RP1: variants seen among roughly 807,000 people sequenced by gnomAD.
RP1 encodes oxygen-regulated protein 1.
RP1 carries 16 observed loss-of-function variants against 14.8 expected under a neutral mutation model. The observed-to-expected ratio is 1.08, with a 90% CI of 0.73 to 1.65. The LOEUF is 1.65. RP1 is among the 40% of genes most tolerant of loss of function. The pLI, the probability that RP1 is intolerant of heterozygous loss-of-function variation, is 0.00. For missense variants in RP1, 2,631 were observed against 2,535.0 expected (o/e 1.04, Z -0.81); for synonymous variants, 876 against 883.6 (o/e 0.99, Z 0.15).
Position 54,856,423 on chromosome 8 carries a change from C to T in RP1, c.3991-605C>T, listed in dbSNP as rs549969882. Among the ~76,000 whole-genome samples the T allele has an allele frequency of 5.3e-5, 8 of 152,092 alleles. No homozygotes were observed. In the South Asian group the frequency reaches 1.4e-3, roughly 28 times the overall value. The stretch of plus-strand genomic sequence containing the variant: ...TACTTCATAGTTTATTTTAAAACGT[C>T]CTATGCGTGTGTATGTATATGTATG... On this transcript the variant is annotated intron_variant, in intron 26 of 28. Coordinates refer to the RP1 transcript ENST00000637698.
At chr8:54,858,154 T>C (rs531730146) in intron 27 of RP1, among the ~76,000 whole-genome samples, 1 of 152,246 alleles carries the variant, frequency 6.6e-6, no homozygotes, top group East Asian at 1.9e-4. Context: ...CTCTTTAAAA[T>C]GAATGGGAAG....
intron 12 of RP1, among the ~76,000 whole-genome samples, chr8:54,695,025 G>T (rs950005477): frequency 1.7e-4 from 26 of 151,898 alleles, no homozygotes; most frequent in African/African-American, 6.3e-4. Flanking sequence ...TTGCGTCTTT[G>T]TTCTCGTTGG....
chr8:54,747,094 C>T (rs1809243538), intron 19 of RP1, among the ~76,000 whole-genome samples: 1 of 152,084 alleles, frequency 6.6e-6, no homozygotes, highest in African/African-American at 2.4e-5. Context: ...CATCTTATTA[C>T]CATCACTTCA....
chr8:54,743,120 A>C (rs1809139589), intron 19 of RP1, among the ~76,000 whole-genome samples: 2 of 152,172 alleles, frequency 1.3e-5, no homozygotes, highest in Non-Finnish European at 2.9e-5. Flanking sequence ...TTGTGAAGTG[A>C]TTTCAAATTT....
At chr8:54,829,592 T>C (rs1420093147) in intron 24 of RP1, among the ~76,000 whole-genome samples, 1 of 152,180 alleles carries the variant, frequency 6.6e-6, no homozygotes, top group Non-Finnish European at 1.5e-5. Context: ...TCTAGATGAA[T>C]ATAAGGAGGC....
rs191325149 is a variant in RP1 at position 54,630,184 on chromosome 8, G to A, written c.6302G>A (p.Gly2101Asp). 1.7e-5 allele frequency: 28 copies of A among 1,613,608 alleles called. No individual in the cohort carries two copies. Among genetic ancestry groups the A allele is most frequent in the Non-Finnish European group, 1.8e-5 (21 of 1,179,920 alleles). The change falls in exon 4 of 4, where the codon GGT (glycine) becomes GAT (aspartate). Residue 2101 changes from glycine to aspartate, a missense_variant. Transcript: ENST00000220676. Reference protein sequence around the residue: ...INCHYFFEMLGQACLLDICQV... With the variant: ...INCHYFFEMLDQACLLDICQV... Reference sequence around the variant, plus strand: ...TGTCATTACTTCTTTGAAATGCTTGGTCAAGCTTGCCTCTTAGATATTTGC... The same window carrying A: ...TGTCATTACTTCTTTGAAATGCTTGATCAAGCTTGCCTCTTAGATATTTGC...
chr8:54,621,677 A>C, intron 2 of RP1, 96 bp downstream of exon 2: 1 of 1,552,074 alleles, frequency 6.4e-7, no homozygotes, highest in Non-Finnish European at 8.8e-7. Context: ...CGGGAAGGAA[A>C]TCTTCCTTCC....
intron 19 of RP1, among the ~76,000 whole-genome samples, chr8:54,745,113 A>G (rs974899604): frequency 1.3e-5 from 2 of 152,212 alleles, no homozygotes; most frequent in African/African-American, 2.4e-5. Flanking sequence ...TGCCAACATG[A>G]CTAAGATGCA....
intron 13 of RP1, chr8:54,699,622 ATT>A (rs1026856939): frequency 1.2e-6 from 1 of 832,136 alleles, no homozygotes; most frequent in African/African-American, 1.8e-5. Context: ...ATGTCTGTAT[ATT>A]TTTTTGTATA....
At chr8:54,641,923 G>A (rs1371349488) in intron 3 of RP1, among the ~76,000 whole-genome samples, 3 of 152,092 alleles carry the variant, frequency 2.0e-5, no homozygotes, top group African/African-American at 4.8e-5. Context: ...TATGTGTGAC[G>A]CTGAAGATCT....
intron 27 of RP1, among the ~76,000 whole-genome samples, chr8:54,863,318 G>A (rs1231407193): frequency 6.6e-6 from 1 of 152,114 alleles, no homozygotes; most frequent in Non-Finnish European, 1.5e-5. Context: ...TAGCCTAAGA[G>A]TATAGGCTGT....
intron 25 of RP1, among the ~76,000 whole-genome samples, chr8:54,843,795 A>G (rs1338679452): frequency 6.6e-6 from 1 of 152,096 alleles, no homozygotes; most frequent in Non-Finnish European, 1.5e-5. Context: ...ACAGCATCGC[A>G]GGGCTCAGGT....
At chr8:54,701,711 C>G in intron 14 of RP1, 2 of 1,496,112 alleles carry the variant, frequency 1.3e-6, no homozygotes, top group Non-Finnish European at 1.8e-6. Context: ...TCCCAACTTT[C>G]TTTTGCCCTA....
Position 54,834,091 on chromosome 8 carries a change from C to T in RP1, c.3616-3359C>T, listed in dbSNP as rs114729484. 9.5e-3 allele frequency among the ~76,000 whole-genome samples: 1,443 copies of T among 151,970 alleles called. 28 individuals carry two copies. The highest frequency in any genetic ancestry group is 0.033 in the African/African-American group (1,365 of 41,494). ...GGAGTTAAGGGTCTAGTGGGGAATG[C>T]TAAAAATGAACAAAGGACTTAAGAC... On this transcript the variant is annotated intron_variant, in intron 24 of 28. Transcript: ENST00000637698.
At chr8:54,583,598 T>C (rs1252227967) in intron 1 of RP1, among the ~76,000 whole-genome samples, 1 of 152,252 alleles carries the variant, frequency 6.6e-6, no homozygotes, top group African/African-American at 2.4e-5. Context: ...CTTGTACCTC[T>C]GGTAGAATTC....
At position 54,628,673 on chromosome 8, in the gene RP1, C is replaced by A; in HGVS notation, c.4791C>A (p.Asp1597Glu). 1 of 1,614,044 alleles carries A rather than the reference C, an allele frequency of 6.2e-7. No homozygotes were observed. Among genetic ancestry groups the A allele is most frequent in the Non-Finnish European group, 8.5e-7 (1 of 1,179,952 alleles). Residue 1597 changes from aspartate (D) to glutamate (E), a missense_variant, in exon 4 of 4, where the codon GAC becomes GAA. Asp to Glu is a conservative substitution (Grantham distance 45, BLOSUM62 2). Transcript: ENST00000220676. ...VTSDWSDYRP[D>E]SDSEQPYKTS... ...CTGATTGGTCAGACTATCGGCCTGACAGTGACAGTGAGCAGCCATATAAAA... is the reference window on the plus strand; with the variant it reads ...CTGATTGGTCAGACTATCGGCCTGAAAGTGACAGTGAGCAGCCATATAAAA...
chr8:54,716,504 C>T lies in RP1; in HGVS notation c.2212-3625C>T, dbSNP rs1808408220. The stretch of plus-strand genomic sequence containing the variant: ...GAAGTGTGGCTGATTTGGTTTGTCC[C>T]TGAATGTGGATATACCAATTGTGTT... On this transcript the variant is annotated intron_variant, in intron 15 of 22. Coordinates refer to the RP1 transcript ENST00000636932. 2.6e-5 allele frequency among the ~76,000 whole-genome samples: 4 copies of T among 151,916 alleles called. No individual in the cohort carries two copies. The South Asian group carries it at 8.3e-4, about 32-fold the overall frequency.
At chr8:54,869,250 A>G (rs747330877) in intron 28 of RP1, among the ~76,000 whole-genome samples, 1 of 152,308 alleles carries the variant, frequency 6.6e-6, no homozygotes, top group African/African-American at 2.4e-5. Flanking sequence ...CAAGCCACAT[A>G]TGTCTACTGA....
rs1807884400 is a variant in RP1, at chr8:54,697,070, C to T, written c.1718-2397C>T. 5 of 1,577,184 alleles carry T rather than the reference C, an allele frequency of 3.2e-6. No individual in the cohort carries two copies. In the Admixed American group the frequency reaches 8.4e-5, roughly 26 times the overall value. On this transcript the variant is annotated intron_variant, in intron 12 of 22. Transcript: ENST00000636932. ...CGCTACCAAAAATAGAGTGGGCTTC[C>T]TCAAGGAGATGGGCACACCTGGCTA...
Sources: gnomAD v4.1 joint callset for allele counts (sites outside exome capture counted in the v4.1 genomes callset) on GRCh38, gnomAD v4.1.1 for gene constraint, MANE v1.5 for transcripts, NCBI Gene and HGNC (gene_info 2026-07-23, HGNC 2026-07-21) for gene names.